HSD17B13: variants seen among roughly 807,000 people sequenced by gnomAD.
The protein encoded by HSD17B13 is hydroxysteroid 17-beta dehydrogenase 13.
HSD17B13 carries 26 observed loss-of-function variants against 31.1 expected under a neutral mutation model. The ratio of observed to expected loss-of-function variants is 0.84; its 90% CI spans 0.61 to 1.16. HSD17B13 has a LOEUF of 1.16. Among genes scored for constraint, HSD17B13 ranks in the 50% most tolerant of loss-of-function variants. The probability of loss-of-function intolerance (pLI) is 0.00; values close to 1 mark genes in which losing one functional copy is unlikely to be tolerated. For missense variants in HSD17B13, 374 were observed against 366.5 expected, an observed-to-expected ratio of 1.02 and a Z score of -0.17; for synonymous variants, 141 against 133.7, an observed-to-expected ratio of 1.05 and a Z score of -0.38.
chr4:87,319,465 A>C (rs1351661590), intron 1 of HSD17B13, among the ~76,000 whole-genome samples: 1 of 152,222 alleles, frequency 6.6e-6, no homozygotes, highest in East Asian at 1.9e-4. Context: ...ATGGAGAAGA[A>C]AGAAAAACTC....
intron 5 of HSD17B13, 119 bp from the exon 6 acceptor site, chr4:87,310,478 T>C: frequency 8.6e-7 from 1 of 1,159,670 alleles, no homozygotes; most frequent in Non-Finnish European, 1.1e-6. Context: ...ATTTAAAATA[T>C]TCCAGGATTT....
chr4:87,317,567 T>A (rs1272966039), intron 2 of HSD17B13, among the ~76,000 whole-genome samples: 12 of 113,556 alleles, frequency 1.1e-4, no homozygotes, highest in African/African-American at 4.6e-4. Context: ...TTTAAACTTT[T>A]TTTTTTTTTT....
chr4:87,313,050 A>G (rs1444188658), intron 5 of HSD17B13, among the ~76,000 whole-genome samples: 2 of 149,990 alleles, frequency 1.3e-5, no homozygotes, highest in Admixed American at 6.6e-5. Flanking sequence ...ACAGAGTGAG[A>G]CTCTGTCTCA....
Position 87,304,726 on chromosome 4 carries a change from A to C in HSD17B13, c.*492T>G. On this transcript the variant is annotated 3_prime_UTR_variant, in exon 7 of 7. Coordinates refer to ENST00000328546, the MANE Select transcript of HSD17B13 (RefSeq NM_178135.5). ...AGGAAGAGGCTAGGGAAATCTTTCA[A>C]ATGCTGAATCTTAAAATATGTCCAG... The C allele has an allele frequency of 6.6e-6, 1 of 152,246 alleles. No individual in the cohort carries two copies. Among genetic ancestry groups the C allele is most frequent in the Non-Finnish European group, 1.5e-5 (1 of 68,090 alleles). The allele number at this position is 152,246 out of a possible 1,614,324, so 9.4% of individuals were successfully genotyped here. A position where few individuals can be genotyped will look rare whatever the true frequency, so the allele number is the denominator to read the frequency against.
rs1171824436 is a variant in HSD17B13 at position 87,312,872 on chromosome 4, C to T, written c.695+951G>A. On this transcript the variant is annotated intron_variant, in intron 5 of 6. Coordinates refer to ENST00000328546, the MANE Select transcript of HSD17B13 (RefSeq NM_178135.5). Reference sequence around the variant, plus strand: ...GTCAGGAGTTTGAGACCAGCCTGGCCAACATGGTGAAACCCCGTCTCTACT... The same window carrying T: ...GTCAGGAGTTTGAGACCAGCCTGGCTAACATGGTGAAACCCCGTCTCTACT... Among the ~76,000 whole-genome samples, 7 of 151,552 alleles carry T rather than the reference C, an allele frequency of 4.6e-5. No individual in the cohort carries two copies. The East Asian group carries it at 1.4e-3, about 30-fold the overall frequency.
Position 87,304,971 on chromosome 4 carries a change from A to G in HSD17B13, c.*247T>C, listed in dbSNP as rs544603549. On this transcript the variant is annotated 3_prime_UTR_variant, in exon 7 of 7. Coordinates refer to ENST00000328546, the MANE Select transcript of HSD17B13 (RefSeq NM_178135.5). ...ATATCTTAAAGAAAACCTTTTAAGT[A>G]TGTTTATGTAAGCACAGAAGTTTTT... 56 of 345,082 alleles carry G rather than the reference A, an allele frequency of 1.6e-4. No individual in the cohort carries two copies. Among genetic ancestry groups the G allele is most frequent in the Non-Finnish European group, 2.5e-4 (48 of 193,932 alleles). 21.4% of individuals were successfully genotyped at this position (345,082 alleles called of 1,614,324 possible). A position where few individuals can be genotyped will look rare whatever the true frequency, so the allele number is the denominator to read the frequency against.
chr4:87,322,061 A>C (rs1484144620), intron 1 of HSD17B13, among the ~76,000 whole-genome samples: 1 of 152,242 alleles, frequency 6.6e-6, no homozygotes, highest in East Asian at 1.9e-4. Context: ...CACTGCGCAC[A>C]TATTTTATTT....
intron 6 of HSD17B13, among the ~76,000 whole-genome samples, chr4:87,308,366 T>C (rs116212737): frequency 1.3e-5 from 2 of 151,130 alleles, no homozygotes; most frequent in African/African-American, 4.9e-5. Context: ...AATAAATAAA[T>C]AGGCTGGGCT....
chr4:87,307,255 T>C (rs1246460519), intron 6 of HSD17B13, among the ~76,000 whole-genome samples: 1 of 152,200 alleles, frequency 6.6e-6, no homozygotes, highest in African/African-American at 2.4e-5. Context: ...ACCTGTTGCC[T>C]AGTTACAAAC....
intron 1 of HSD17B13, among the ~76,000 whole-genome samples, chr4:87,319,126 G>T (rs1340105524): frequency 6.6e-6 from 1 of 152,154 alleles, no homozygotes; most frequent in East Asian, 1.9e-4. Context: ...AGGTTGCAGT[G>T]AGCTGAAATC....
chr4:87,314,622 T>TTCTGTCTC (rs1734605113), intron 4 of HSD17B13, among the ~76,000 whole-genome samples: 3 of 143,094 alleles, frequency 2.1e-5, no homozygotes, highest in South Asian at 4.5e-4. Flanking sequence ...TAGAGTCGTT[T>TTCTGTCTC]TCTCTCTCTC....
At chr4:87,312,470 G>T (rs542793728) in intron 5 of HSD17B13, among the ~76,000 whole-genome samples, 1 of 149,222 alleles carries the variant, frequency 6.7e-6, no homozygotes, top group Admixed American at 6.7e-5. Flanking sequence ...ATAGGCCTCC[G>T]ACTGTAGTCT....
chr4:87,318,701 G>A (rs13119654), intron 1 of HSD17B13, among the ~76,000 whole-genome samples: 36,183 of 150,862 alleles, frequency 0.24, 4,408 homozygotes, highest in East Asian at 0.31. Flanking sequence ...GGGAGGCTGA[G>A]GCAGGATAAT....
At chr4:87,307,351 A>C (rs1405204649) in intron 6 of HSD17B13, among the ~76,000 whole-genome samples, 1 of 152,128 alleles carries the variant, frequency 6.6e-6, no homozygotes, top group African/African-American at 2.4e-5. Context: ...AGGCAGAATA[A>C]TTGTTTTTAT....
In HSD17B13 at chr4:87,314,870, T is replaced by C. The variant is rs936400306; in HGVS notation, c.557+623A>G. Among the ~76,000 whole-genome samples the C allele has an allele frequency of 2.6e-5, 4 of 152,366 alleles. No individual in the cohort carries two copies. The South Asian group carries it at 8.3e-4, about 32-fold the overall frequency. On this transcript the variant is annotated intron_variant, in intron 4 of 6. Coordinates refer to ENST00000328546, the MANE Select transcript of HSD17B13 (RefSeq NM_178135.5). ...GCATTACTGTTTTCTCTCATTGTTC[T>C]ACAGAGGAGTTTGCAGAAATCTAAA...
chr4:87,313,862 A>G lies in HSD17B13; in HGVS notation c.656T>C (p.Val219Ala), dbSNP rs778958020. 1 of 1,612,692 alleles carries G rather than the reference A, an allele frequency of 6.2e-7. No individual in the cohort carries two copies. Among genetic ancestry groups the G allele is most frequent in the East Asian group, 2.2e-5 (1 of 44,696 alleles). The change falls in exon 5 of 7, where the codon GTT (valine) becomes GCT (alanine). Residue 219 changes from valine (V) to alanine (A), a missense_variant. By Grantham distance (64) the Val-to-Ala change is moderately conservative. Transcript: ENST00000328546. ...TGIKTSCLCP[V>A]FVNTGFTKNP... ...TTTGGTGAACCCAGTATTCACAAAA[A>G]CTGGGCAGAGACATGAGGTTTTGAT...
intron 1 of HSD17B13, among the ~76,000 whole-genome samples, chr4:87,319,961 G>T (rs6814819): frequency 0.014 from 2,158 of 152,174 alleles, 47 homozygotes; most frequent in African/African-American, 0.049. Flanking sequence ...ATACTTTTCC[G>T]TCTCACAATC....
At chr4:87,306,114 T>G (rs1172948343) in intron 6 of HSD17B13, among the ~76,000 whole-genome samples, 3 of 152,186 alleles carry the variant, frequency 2.0e-5, no homozygotes, top group Non-Finnish European at 2.9e-5. Flanking sequence ...CAGGTCATCT[T>G]TGGTCATTTT....
chr4:87,312,568 C>T (rs1255144671), intron 5 of HSD17B13, among the ~76,000 whole-genome samples: 2 of 131,316 alleles, frequency 1.5e-5, no homozygotes, highest in Non-Finnish European at 3.1e-5. Flanking sequence ...CTCGCTCTGT[C>T]GCCCAGGCTG....
Sources: gnomAD v4.1 joint callset for allele counts (sites outside exome capture counted in the v4.1 genomes callset) on GRCh38, gnomAD v4.1.1 for gene constraint, MANE v1.5 for transcripts, NCBI Gene and HGNC (gene_info 2026-07-23, HGNC 2026-07-21) for gene names.